NRXN1: variants seen among roughly 807,000 people sequenced by gnomAD.
NRXN1 encodes neurexin-1.
In NRXN1, 39 loss-of-function variants were observed where a neutral mutation model predicts 150.9. The ratio of observed to expected loss-of-function variants is 0.26; its 90% CI spans 0.20 to 0.34. The LOEUF (loss-of-function observed/expected upper bound fraction) is 0.34, where lower values mean the gene tolerates loss of function less well. Ranked by LOEUF, NRXN1 falls within the 10% of genes least tolerant of loss-of-function variation. The pLI, the probability that NRXN1 is intolerant of heterozygous loss-of-function variation, is 1.00. For missense variants in NRXN1, 1,815 were observed against 1,949.9 expected (o/e 0.93, Z 1.30); for synonymous variants, 924 against 757.0 (o/e 1.22, Z -3.62).
chr2:50,791,314 CAAAA>C lies in NRXN1; in HGVS notation c.832+130551_832+130554del, dbSNP rs60728323. Among the ~76,000 whole-genome samples, 515 of 111,668 alleles carry C rather than the reference CAAAA, an allele frequency of 4.6e-3. 6 individuals carry two copies. Among genetic ancestry groups the C allele is most frequent in the African/African-American group, 0.017 (493 of 28,514 alleles). 73.3% of individuals were successfully genotyped at this position (111,668 alleles called of 152,430 possible). A position where few individuals can be genotyped will look rare whatever the true frequency, so the allele number is the denominator to read the frequency against. ...ACAGGAGATTCCAAACTGCTTGCTA[CAAAA>C]AAAAAAAAAAAAAAATCCTTAGCTT... is the stretch of plus-strand genomic sequence containing the variant. On this transcript the variant is annotated intron_variant, in intron 5 of 22. Coordinates refer to ENST00000401669, the MANE Select transcript of NRXN1 (RefSeq NM_001330078.2).
rs2090696499 is a variant in NRXN1, at chr2:50,484,145, A to G, written c.3071-11674T>C. ...GTGGTTTTCTGTGTAGCTTGAAAGG[A>G]CAAAGTAGTATAAAGCACACACAAA... On this transcript the variant is annotated intron_variant, in intron 15 of 22. Coordinates refer to ENST00000401669, the MANE Select transcript of NRXN1 (RefSeq NM_001330078.2). 2.0e-5 allele frequency among the ~76,000 whole-genome samples: 3 copies of G among 152,212 alleles called. No individual in the cohort carries two copies. In the South Asian group the frequency reaches 6.2e-4, roughly 32 times the overall value.
chr2:50,538,226 T>C (rs759814726), intron 10 of NRXN1, 27 bp downstream of exon 10: 2 of 1,591,132 alleles, frequency 1.3e-6, no homozygotes, highest in Non-Finnish European at 1.7e-6. Context: ...TCTCAGGGAG[T>C]TGGCTGCTGG....
chr2:50,495,583 A>G (rs759216613), intron 15 of NRXN1, among the ~76,000 whole-genome samples: 3 of 152,140 alleles, frequency 2.0e-5, no homozygotes, highest in Non-Finnish European at 2.9e-5. Flanking sequence ...CTCCAAATCA[A>G]TTGAAAACTG....
chr2:50,256,025 G>T (rs1428402311), intron 17 of NRXN1, among the ~76,000 whole-genome samples: 1 of 152,080 alleles, frequency 6.6e-6, no homozygotes, highest in African/African-American at 2.4e-5. Context: ...TAACAGTAAC[G>T]CTGTCTAAAA....
Position 50,246,602 on chromosome 2 carries a change from A to G in NRXN1, c.3365-9632T>C, listed in dbSNP as rs534575905. On this transcript the variant is annotated intron_variant, in intron 17 of 22. Coordinates refer to ENST00000401669, the MANE Select transcript of NRXN1 (RefSeq NM_001330078.2). Reference sequence around the variant, plus strand: ...TTATTTTGGACTGGAACAGAAGGGAATATTAGTTTTTGACTCAGAAATTAT... The same window carrying G: ...TTATTTTGGACTGGAACAGAAGGGAGTATTAGTTTTTGACTCAGAAATTAT... Among the ~76,000 whole-genome samples, 5 of 152,092 alleles carry G rather than the reference A, an allele frequency of 3.3e-5. No individual in the cohort carries two copies. In the South Asian group the frequency reaches 1.0e-3, roughly 32 times the overall value.
chr2:50,165,127 T>C (rs2059596230), intron 18 of NRXN1, among the ~76,000 whole-genome samples: 1 of 152,072 alleles, frequency 6.6e-6, no homozygotes, highest in Non-Finnish European at 1.5e-5. Context: ...AAGACCTCAA[T>C]GGGTAACTGA....
intron 21 of NRXN1, among the ~76,000 whole-genome samples, chr2:49,977,940 G>A (rs1679270934): frequency 6.6e-6 from 1 of 152,036 alleles, no homozygotes; most frequent in Non-Finnish European, 1.5e-5. Flanking sequence ...GAGTCGAGTG[G>A]ATCACGAGGT....
At chr2:50,412,055 A>G (rs2083227054) in intron 17 of NRXN1, among the ~76,000 whole-genome samples, 1 of 152,204 alleles carries the variant, frequency 6.6e-6, no homozygotes, top group East Asian at 1.9e-4. Context: ...GTGTCCACTC[A>G]GGGTTAAATG....
intron 5 of NRXN1, among the ~76,000 whole-genome samples, chr2:50,674,289 T>A (rs1183335414): frequency 6.6e-6 from 1 of 151,882 alleles, no homozygotes; most frequent in African/African-American, 2.4e-5. Flanking sequence ...GAAACATAAG[T>A]TAAAAACAAA....
At chr2:50,026,813 T>C (rs1055049913) in intron 21 of NRXN1, among the ~76,000 whole-genome samples, 6 of 150,464 alleles carry the variant, frequency 4.0e-5, no homozygotes, top group African/African-American at 1.5e-4. Flanking sequence ...GCTGATTTCA[T>C]GATATTTATG....
At chr2:50,023,199 G>A (rs1687822370) in intron 21 of NRXN1, 1 of 152,192 alleles carries the variant, frequency 6.6e-6, no homozygotes, top group African/African-American at 2.4e-5. Context: ...TTCCTGGAAA[G>A]AAAGTCCTAC....
chr2:49,970,775 GT>G (rs1462425335), intron 21 of NRXN1, among the ~76,000 whole-genome samples: 1 of 152,034 alleles, frequency 6.6e-6, no homozygotes, highest in Non-Finnish European at 1.5e-5. Context: ...AAAGATTATT[GT>G]TTATGTCTTT....
intron 5 of NRXN1, among the ~76,000 whole-genome samples, chr2:50,884,917 C>G (rs1223885002): frequency 6.6e-6 from 1 of 151,362 alleles, no homozygotes; most frequent in Non-Finnish European, 1.5e-5. Context: ...TGTTCAGTGT[C>G]TGGAAGCAAA....
chr2:50,110,611 G>A (rs1284812407), intron 18 of NRXN1, among the ~76,000 whole-genome samples: 1 of 152,004 alleles, frequency 6.6e-6, no homozygotes, highest in Non-Finnish European at 1.5e-5. Context: ...TATATGTGGG[G>A]TGTGTGTGCG....
chr2:50,516,402 T>G (rs1176434579), intron 12 of NRXN1, among the ~76,000 whole-genome samples: 1 of 152,166 alleles, frequency 6.6e-6, no homozygotes, highest in Non-Finnish European at 1.5e-5. Context: ...GATGCTTCCT[T>G]TAGTAGATTC....
rs773656482 is a variant in NRXN1 at position 50,496,042 on chromosome 2, C to G, written c.2933G>C (p.Ser978Thr). ...ATTGTCATTGAGAGGTTTATTTGAG[C>G]TTCCTTTGATGAGGTTAGCACCATT... ...LGNGANLIKG[S>T]SNKPLNDNQW... Residue 978 changes from serine (S) to threonine (T), a missense_variant, in exon 15 of 23, where the codon AGC (serine) becomes ACC (threonine). By Grantham distance (58) the Ser-to-Thr change is moderately conservative. Around this residue, in one of 6 missense-constraint regions of NRXN1, gnomAD observed 339 missense variants for 440.3 expected, o/e 0.77. Transcript: ENST00000401669. 1.9e-6 allele frequency: 3 copies of G among 1,612,568 alleles called. No individual in the cohort carries two copies. Among genetic ancestry groups the G allele is most frequent in the South Asian group, 2.2e-5 (2 of 90,792 alleles).
intron 18 of NRXN1, chr2:50,185,761 TATA>T (rs1438047959): frequency 9.2e-5 from 14 of 152,232 alleles, no homozygotes; most frequent in African/African-American, 3.4e-4. Flanking sequence ...AATAAACATT[TATA>T]ATAACTCACT....
intron 19 of NRXN1, among the ~76,000 whole-genome samples, chr2:50,076,698 T>A (rs1697153384): frequency 6.6e-6 from 1 of 152,198 alleles, no homozygotes; most frequent in Non-Finnish European, 1.5e-5. Flanking sequence ...GTGGTATATA[T>A]TCCTACAGCA....
chr2:50,837,458 T>G (rs909849343), intron 5 of NRXN1, among the ~76,000 whole-genome samples: 3 of 152,126 alleles, frequency 2.0e-5, no homozygotes, highest in African/African-American at 4.8e-5. Flanking sequence ...GCAAGTACTT[T>G]CATTTGTTGA....
Sources: gnomAD v4.1 joint callset for allele counts (sites outside exome capture counted in the v4.1 genomes callset) on GRCh38, gnomAD v4.1.1 for gene constraint, gnomAD v4.1.1 regional missense constraint, MANE v1.5 for transcripts, NCBI Gene and HGNC (gene_info 2026-07-23, HGNC 2026-07-21) for gene names.